Variants in SMPD3 observed in about 807,000 individuals in gnomAD.
SMPD3 encodes the protein sphingomyelin phosphodiesterase 3.
Under a neutral mutation model 55.7 loss-of-function variants are expected in SMPD3, and 21 were observed. The ratio of observed to expected loss-of-function variants is 0.38; its 90% CI spans 0.27 to 0.54. SMPD3 has a LOEUF of 0.54. SMPD3 is among the 20% of genes least tolerant of loss of function. The pLI is 0.80. For missense variants in SMPD3, 842 were observed against 899.6 expected (o/e 0.94, Z 0.82); for synonymous variants, 457 against 404.3 (o/e 1.13, Z -1.56).
In SMPD3 at chr16:68,447,815, G is replaced by C. The variant is rs2090622254; in HGVS notation, c.-269+538C>G. On this transcript the variant is annotated intron_variant, in intron 1 of 8. Coordinates refer to ENST00000219334, the MANE Select transcript of SMPD3 (RefSeq NM_018667.4). This position sits in a 1 kb window ranked among gnomAD's most constrained non-coding sequence, Gnocchi z 5.1. ...AAGGGAGGAGGGGGGAATAGGGAGG[G>C]GGGCGAGTGTGGAGGAAGGGGCCTG... Among the ~76,000 whole-genome samples, 1 of 152,098 alleles carries C rather than the reference G, an allele frequency of 6.6e-6. No individual in the cohort carries two copies. Among genetic ancestry groups the C allele is most frequent in the Admixed American group, 6.5e-5 (1 of 15,290 alleles).
At chr16:68,411,055 T>G (rs1454798876) in intron 1 of SMPD3, among the ~76,000 whole-genome samples, 1 of 152,170 alleles carries the variant, frequency 6.6e-6, no homozygotes, top group East Asian at 1.9e-4. Context: ...AGGCCAGAGT[T>G]TAAGGAGCCA....
chr16:68,402,295 C>T (rs751335009), intron 1 of SMPD3, among the ~76,000 whole-genome samples: 2 of 152,140 alleles, frequency 1.3e-5, no homozygotes, highest in Non-Finnish European at 2.9e-5. Flanking sequence ...TGACATACTG[C>T]CCTAGGAAGG....
At chr16:68,395,623 A>C (rs2090149032) in intron 1 of SMPD3, among the ~76,000 whole-genome samples, 1 of 152,194 alleles carries the variant, frequency 6.6e-6, no homozygotes, top group East Asian at 1.9e-4. Flanking sequence ...GCCTGGGCCC[A>C]CTTAAGGGGT....
intron 1 of SMPD3, among the ~76,000 whole-genome samples, chr16:68,428,879 G>T (rs1452361447): frequency 1.3e-5 from 2 of 152,194 alleles, no homozygotes; most frequent in Admixed American, 1.3e-4. Context: ...GCCCAGTTGG[G>T]TTCTGCTGTC....
intron 2 of SMPD3, among the ~76,000 whole-genome samples, chr16:68,374,400 A>T (rs2089755378): frequency 6.6e-6 from 1 of 152,110 alleles, no homozygotes; most frequent in Non-Finnish European, 1.5e-5. Context: ...ATGCCTTTGA[A>T]GCCAACACTG....
chr16:68,438,687 T>G (rs989910754), intron 1 of SMPD3, among the ~76,000 whole-genome samples: 1 of 152,198 alleles, frequency 6.6e-6, no homozygotes, highest in African/African-American at 2.4e-5. Context: ...AACTTTCCCT[T>G]GCCTTCCTTC....
intron 1 of SMPD3, among the ~76,000 whole-genome samples, chr16:68,442,164 A>G (rs1238849056): frequency 6.6e-6 from 1 of 152,232 alleles, no homozygotes; most frequent in African/African-American, 2.4e-5. Context: ...ACAGAGCAAC[A>G]GTTTAGGACA....
In SMPD3 at chr16:68,371,076, C is replaced by T. The variant is rs199528981; in HGVS notation, c.1106G>A (p.Arg369Gln). ...FLCLQEVFDK[R>Q]AATKLKEQLH... ...CTGCTCTTTCAATTTGGTGGCTGCT[C>T]GCTTGTCAAACACCTCCTGCAGGCA... The change falls in exon 3 of 9, where the codon CGA (arginine) becomes CAA (glutamine). Residue 369 changes from arginine (R) to glutamine (Q), a missense_variant. By Grantham distance (43) the Arg-to-Gln change is conservative. Transcript: ENST00000219334. 7 of 1,614,064 alleles carry T rather than the reference C, an allele frequency of 4.3e-6. No individual in the cohort carries two copies. Among genetic ancestry groups the T allele is most frequent in the East Asian group, 4.5e-5 (2 of 44,900 alleles).
intron 3 of SMPD3, among the ~76,000 whole-genome samples, chr16:68,366,922 C>T (rs990279197): frequency 1.3e-5 from 2 of 151,690 alleles, no homozygotes; most frequent in Non-Finnish European, 1.5e-5. Flanking sequence ...GCAGGAGAAT[C>T]GCTTGAACCT....
At chr16:68,415,043 G>T (rs573249234) in intron 1 of SMPD3, among the ~76,000 whole-genome samples, 6 of 152,142 alleles carry the variant, frequency 3.9e-5, no homozygotes, top group Non-Finnish European at 7.3e-5. Context: ...TCAGAGATGC[G>T]CAGGTGACAA....
rs1206205307 is a variant in SMPD3 at position 68,447,177 on chromosome 16, G to C, written c.-269+1176C>G. ...GTCCTCTCGAGGATGCCTGGGCCGA[G>C]CGCGAAAGCCCCATGCCTTGGAACA... On this transcript the variant is annotated intron_variant, in intron 1 of 8. Coordinates refer to ENST00000219334, the MANE Select transcript of SMPD3 (RefSeq NM_018667.4). This position sits in a 1 kb window ranked among gnomAD's most constrained non-coding sequence, Gnocchi z 5.1. 1.3e-5 allele frequency among the ~76,000 whole-genome samples: 2 copies of C among 152,172 alleles called. No individual in the cohort carries two copies. The highest frequency in any genetic ancestry group is 3.9e-4 in the East Asian group (2 of 5,174).
chr16:68,416,881 T>A (rs891715282), intron 1 of SMPD3, among the ~76,000 whole-genome samples: 22 of 152,076 alleles, frequency 1.4e-4, no homozygotes, highest in Admixed American at 1.4e-3. Flanking sequence ...CCCGTGTCGC[T>A]GGAAGATGCC....
intron 1 of SMPD3, among the ~76,000 whole-genome samples, chr16:68,403,018 C>T (rs1001089409): frequency 2.0e-5 from 3 of 152,218 alleles, no homozygotes; most frequent in Non-Finnish European, 2.9e-5. Context: ...TGTCAGGGTG[C>T]AGCACAGAGT....
chr16:68,430,870 T>C (rs182095432), intron 1 of SMPD3, among the ~76,000 whole-genome samples: 281 of 152,314 alleles, frequency 1.8e-3, no homozygotes, highest in African/African-American at 6.3e-3. Context: ...AGAGCATCAT[T>C]TCCAGTGGCT....
In SMPD3 at chr16:68,447,434, C is replaced by G. The variant is rs1170985533; in HGVS notation, c.-269+919G>C. ...GTCCCCGGGGCGTGGTGGGCTAGGG[C>G]GGGTCGTCTCGACTTAGAGCCCCAG... On this transcript the variant is annotated intron_variant, in intron 1 of 8. Transcript: ENST00000219334. This position sits in a 1 kb window ranked among gnomAD's most constrained non-coding sequence, Gnocchi z 5.1. Among the ~76,000 whole-genome samples the G allele has an allele frequency of 6.6e-6, 1 of 152,082 alleles. No individual in the cohort carries two copies. The highest frequency in any genetic ancestry group is 2.1e-4 in the South Asian group (1 of 4,834).
At chr16:68,442,778 T>C (rs553377783) in intron 1 of SMPD3, among the ~76,000 whole-genome samples, 2 of 152,260 alleles carry the variant, frequency 1.3e-5, no homozygotes, top group African/African-American at 4.8e-5. Flanking sequence ...GGAGAGTTAA[T>C]TAATGACTCT....
At chr16:68,367,151 A>G (rs2151977552) in intron 3 of SMPD3, among the ~76,000 whole-genome samples, 1 of 152,280 alleles carries the variant, frequency 6.6e-6, no homozygotes, top group Admixed American at 6.5e-5. Context: ...GGCCTGGGCG[A>G]CAGAATGAGA....
At chr16:68,376,680 C>T (rs1362343635) in intron 2 of SMPD3, among the ~76,000 whole-genome samples, 6 of 152,200 alleles carry the variant, frequency 3.9e-5, no homozygotes, top group Non-Finnish European at 4.4e-5. Flanking sequence ...GTCTCCAGGT[C>T]GTCATAGGTC....
chr16:68,378,643 C>T (rs566225420), intron 2 of SMPD3, among the ~76,000 whole-genome samples: 1 of 150,808 alleles, frequency 6.6e-6, no homozygotes, highest in Admixed American at 6.6e-5. Context: ...CTCCAAGTCT[C>T]GGCACCACCA....
Sources: gnomAD v4.1 joint callset for allele counts (sites outside exome capture counted in the v4.1 genomes callset) on GRCh38, gnomAD v4.1.1 for gene constraint, Gnocchi (gnomAD v3.1) non-coding constraint, MANE v1.5 for transcripts, NCBI Gene and HGNC (gene_info 2026-07-23, HGNC 2026-07-21) for gene names.